The following STX7 variants were observed in gnomAD, a reference collection of about 807,000 sequenced individuals.
STX7 encodes syntaxin 7, also known as syntaxin-7.
A neutral mutation model predicts 39.6 loss-of-function variants in STX7; 34 were observed. The observed-to-expected ratio is 0.86, with a 90% CI of 0.65 to 1.14. The LOEUF (loss-of-function observed/expected upper bound fraction) is 1.14, where lower values mean the gene tolerates loss of function less well. STX7 is among the 50% of genes most tolerant of loss of function. STX7 has a pLI of 0.00. For synonymous variants in STX7, 119 were observed against 99.1 expected (o/e 1.20, Z -1.19); for missense variants, 284 against 310.4 (o/e 0.92, Z 0.64).
At chr6:132,479,138 C>G (rs762703007) in intron 2 of STX7, among the ~76,000 whole-genome samples, 2 of 152,222 alleles carry the variant, frequency 1.3e-5, no homozygotes, top group Non-Finnish European at 2.9e-5. Context: ...TGGCATACTT[C>G]TGCAAAGTGC....
rs1030194980 is a variant in STX7, at chr6:132,457,879, C to T, written c.*2879G>A. ...AAAAAAATAAATGCTGCATAAGTTA[C>T]CCTTGTGGACCTTAGCTATTAAGGT... On this transcript the variant is annotated 3_prime_UTR_variant, in exon 10 of 10. Coordinates refer to ENST00000367941, the MANE Select transcript of STX7 (RefSeq NM_003569.3). The T allele has an allele frequency of 6.6e-6, 1 of 152,148 alleles. No individual in the cohort carries two copies. Among genetic ancestry groups the T allele is most frequent in the Non-Finnish European group, 1.5e-5 (1 of 68,024 alleles). 9.4% of individuals were successfully genotyped at this position (152,148 alleles called of 1,614,324 possible).
chr6:132,486,401 A>G (rs1775132734), intron 2 of STX7, among the ~76,000 whole-genome samples: 1 of 152,160 alleles, frequency 6.6e-6, no homozygotes, highest in Non-Finnish European at 1.5e-5. Context: ...GTTTACTGAG[A>G]ATTTTTGTTA....
At chr6:132,479,700 T>C (rs560229822) in intron 2 of STX7, among the ~76,000 whole-genome samples, 35 of 152,344 alleles carry the variant, frequency 2.3e-4, no homozygotes, top group Non-Finnish European at 4.7e-4. Flanking sequence ...CAGACTGACA[T>C]GACCATGGGT....
intron 9 of STX7, 115 bp downstream of exon 9, chr6:132,463,878 A>G (rs1774486967): frequency 2.0e-6 from 2 of 978,584 alleles, no homozygotes; most frequent in Admixed American, 1.9e-5. Context: ...GGGATTTTAA[A>G]TTTTAACATC....
chr6:132,479,719 A>T (rs1442655207), intron 2 of STX7, among the ~76,000 whole-genome samples: 1 of 152,208 alleles, frequency 6.6e-6, no homozygotes, highest in Non-Finnish European at 1.5e-5. Flanking sequence ...GTATTGCCGT[A>T]CACCAATTTG....
intron 2 of STX7, among the ~76,000 whole-genome samples, chr6:132,476,690 T>C (rs913221802): frequency 3.3e-5 from 5 of 152,142 alleles, no homozygotes; most frequent in African/African-American, 1.2e-4. Context: ...TATATACTTA[T>C]ATATATATTT....
chr6:132,475,721 T>C, intron 2 of STX7, 59 bp from the exon 3 acceptor site: 2 of 1,237,286 alleles, frequency 1.6e-6, no homozygotes, highest in Non-Finnish European at 2.3e-6. Context: ...ACAGAAAGAG[T>C]TAAAAATTAA....
intron 2 of STX7, among the ~76,000 whole-genome samples, chr6:132,483,412 C>T (rs936025801): frequency 6.6e-6 from 1 of 152,154 alleles, no homozygotes; most frequent in East Asian, 1.9e-4. Flanking sequence ...GGGCCTACTG[C>T]AGTCACTGCA....
chr6:132,473,517 G>GGT (rs1554248139), intron 3 of STX7, among the ~76,000 whole-genome samples: 2 of 125,786 alleles, frequency 1.6e-5, no homozygotes, highest in African/African-American at 3.0e-5. Flanking sequence ...TTATTATTGT[G>GGT]TTGTTTTTTT....
In STX7 at chr6:132,458,636, A is replaced by C. The variant is rs763391725; in HGVS notation, c.*2122T>G. The C allele has an allele frequency of 3.3e-5, 5 of 152,210 alleles. No homozygotes were observed. Among genetic ancestry groups the C allele is most frequent in the Non-Finnish European group, 5.9e-5 (4 of 68,036 alleles). The allele number at this position is 152,210 out of a possible 1,614,324, so 9.4% of individuals were successfully genotyped here. On this transcript the variant is annotated 3_prime_UTR_variant, in exon 10 of 10. Transcript: ENST00000367941. Reference sequence around the variant, plus strand: ...AACCTTCACTTTTCACAGCAGTTCTAAAACTGACCTACAGAAAAGTTCAAG... The same window carrying C: ...AACCTTCACTTTTCACAGCAGTTCTCAAACTGACCTACAGAAAAGTTCAAG...
Position 132,460,171 on chromosome 6 carries a change from A to C in STX7, c.*587T>G, listed in dbSNP as rs1219931505. ...AAAAGCTTAATATATACACAGAAAG[A>C]GTATCAAATAAACTAGAAAAGTATT... On this transcript the variant is annotated 3_prime_UTR_variant, in exon 10 of 10. Coordinates refer to ENST00000367941, the MANE Select transcript of STX7 (RefSeq NM_003569.3). The C allele has an allele frequency of 6.6e-6, 1 of 152,232 alleles. No homozygotes were observed. The allele number at this position is 152,232 out of a possible 1,614,324, so 9.4% of individuals were successfully genotyped here.
chr6:132,462,260 C>G (rs1262645754), intron 9 of STX7, among the ~76,000 whole-genome samples: 2 of 152,196 alleles, frequency 1.3e-5, no homozygotes, highest in African/African-American at 4.8e-5. Flanking sequence ...CCAAACATAT[C>G]AAGGCTTCCA....
intron 3 of STX7, among the ~76,000 whole-genome samples, chr6:132,473,630 T>C (rs912885432): frequency 1.3e-5 from 2 of 151,590 alleles, no homozygotes; most frequent in Non-Finnish European, 2.9e-5. Context: ...CTAGCTATCT[T>C]ATAAATTGAA....
chr6:132,476,787 C>T (rs1204590046), intron 2 of STX7, among the ~76,000 whole-genome samples: 2 of 151,736 alleles, frequency 1.3e-5, no homozygotes, highest in African/African-American at 4.8e-5. Flanking sequence ...ATGACTATTG[C>T]AATTTTTTTA....
rs182386308 is a variant in STX7, at chr6:132,454,885, T to G, written c.*5873A>C. The G allele has an allele frequency of 2.4e-4, 37 of 152,300 alleles. 1 individual carries two copies. The highest frequency in any genetic ancestry group is 2.0e-3 in the Admixed American group (31 of 15,300). 9.4% of individuals were successfully genotyped at this position (152,300 alleles called of 1,614,324 possible). A position where few individuals can be genotyped will look rare whatever the true frequency, so the allele number is the denominator to read the frequency against. On this transcript the variant is annotated 3_prime_UTR_variant, in exon 10 of 10. Transcript: ENST00000367941. ...TTAGCAAATTTTGGTATATACCCAC[T>G]GCAAAATAGTACTTAAATGTTAAAA...
intron 2 of STX7, among the ~76,000 whole-genome samples, chr6:132,491,224 AAAGTGAATATGGTAAAAATTATACCCC>A (rs1775277212): frequency 6.6e-6 from 1 of 152,156 alleles, no homozygotes; most frequent in Admixed American, 6.5e-5. Flanking sequence ...ATGTTGCCAC[AAAGTGAATATGGTAAAAATTATACCCC>A]AAAATACCCA....
chr6:132,466,177 T>C (rs1309811243), intron 8 of STX7, among the ~76,000 whole-genome samples: 1 of 152,200 alleles, frequency 6.6e-6, no homozygotes, highest in African/African-American at 2.4e-5. Context: ...AGGTCACCTA[T>C]GCCCTACACA....
At chr6:132,475,799 G>T (rs1304197680) in intron 2 of STX7, 137 bp from the exon 3 acceptor site, 2 of 399,288 alleles carry the variant, frequency 5.0e-6, no homozygotes, top group Non-Finnish European at 8.5e-6. Context: ...AATATTAACT[G>T]GAAAAAAGAA....
At chr6:132,469,149 T>G (rs1774641042) in intron 7 of STX7, among the ~76,000 whole-genome samples, 1 of 152,230 alleles carries the variant, frequency 6.6e-6, no homozygotes, top group African/African-American at 2.4e-5. Context: ...CATTGTTAGC[T>G]ATTATTAGCC....
Sources: allele counts gnomAD v4.1 joint callset (sites outside exome capture counted in the v4.1 genomes callset), GRCh38; gene constraint gnomAD v4.1.1; transcripts MANE v1.5; gene names NCBI Gene and HGNC (gene_info 2026-07-23, HGNC 2026-07-21).